The following DLGAP1 variants were observed in gnomAD, a reference collection of about 807,000 sequenced individuals.
The protein encoded by DLGAP1 is DLG associated protein 1.
DLGAP1 carries 11 observed loss-of-function variants against 90.8 expected under a neutral mutation model. The ratio of observed to expected loss-of-function variants is 0.12; its 90% CI spans 0.08 to 0.20. The LOEUF is 0.20. DLGAP1 is among the 10% of genes least tolerant of loss of function. The pLI, the probability that DLGAP1 is intolerant of heterozygous loss-of-function variation, is 1.00. For missense variants in DLGAP1, 1,050 were observed against 1,333.8 expected, an observed-to-expected ratio of 0.79 and a Z score of 3.31; for synonymous variants, 558 against 540.7, an observed-to-expected ratio of 1.03 and a Z score of -0.44.
chr18:4,298,233 G>A (rs78904286), intron 1 of DLGAP1, among the ~76,000 whole-genome samples: 8,984 of 152,108 alleles, frequency 0.059, 744 homozygotes, highest in African/African-American at 0.18. Context: ...CATCCCCCGC[G>A]AATACTGCAT....
At chr18:3,501,165 G>A (rs2049910965) in intron 12 of DLGAP1, among the ~76,000 whole-genome samples, 1 of 149,786 alleles carries the variant, frequency 6.7e-6, no homozygotes, top group Non-Finnish European at 1.5e-5. Flanking sequence ...TGATCCACCC[G>A]CCTCAGCCTC....
intron 2 of DLGAP1, among the ~76,000 whole-genome samples, chr18:4,048,494 G>A (rs1288196989): frequency 6.6e-6 from 1 of 152,194 alleles, no homozygotes; most frequent in African/African-American, 2.4e-5. Flanking sequence ...GACAAGGCCT[G>A]TCACTCACTC....
intron 3 of DLGAP1, among the ~76,000 whole-genome samples, chr18:3,923,671 G>T (rs922257299): frequency 2.6e-5 from 4 of 152,064 alleles, no homozygotes; most frequent in African/African-American, 9.7e-5. Flanking sequence ...AAATTCCAAA[G>T]ATGATTCCTT....
At chr18:4,104,432 C>T (rs1420460136) in intron 2 of DLGAP1, among the ~76,000 whole-genome samples, 1 of 151,946 alleles carries the variant, frequency 6.6e-6, no homozygotes, top group Non-Finnish European at 1.5e-5. Context: ...TAATTATGTC[C>T]CTTTTCTCAC....
At chr18:4,219,027 G>GTTTTTTTTT (rs34333673) in intron 1 of DLGAP1, among the ~76,000 whole-genome samples, 3 of 92,018 alleles carry the variant, frequency 3.3e-5, no homozygotes, top group African/African-American at 4.4e-5. Context: ...TTCTATCTTT[G>GTTTTTTTTT]TTTTTTTTTT....
chr18:3,763,591 A>G (rs2064071776), intron 5 of DLGAP1, among the ~76,000 whole-genome samples: 1 of 151,892 alleles, frequency 6.6e-6, no homozygotes. Flanking sequence ...TCTTCTTTAT[A>G]TCAAATGATG....
At position 3,879,487 on chromosome 18, in the gene DLGAP1, C is replaced by G. The variant is rs1480972380; in HGVS notation, c.582G>C (p.Arg194=). 6.2e-7 allele frequency: 1 copy of G among 1,604,682 alleles called. No individual in the cohort carries two copies. The highest frequency in any genetic ancestry group is 1.1e-5 in the South Asian group (1 of 91,050). ...TCCACCAGCCCGGGGAGGTGCTGGG[C>G]CGGGCCTTGGGCTCCGCGCGCCGCT... ...SKERRAEPKA[R]PSTSPGWWSS... The change falls in exon 4 of 13, where the codon CGG becomes CGC. Residue 194 remains arginine, a synonymous_variant. Transcript: ENST00000315677. The surrounding 1 kb of genome is among the most constrained non-coding windows in gnomAD (Gnocchi z 6.6).
chr18:4,158,205 A>G (rs945797454), intron 1 of DLGAP1, among the ~76,000 whole-genome samples: 4 of 152,186 alleles, frequency 2.6e-5, no homozygotes, highest in Non-Finnish European at 4.4e-5. Flanking sequence ...TGTGCATGCA[A>G]AGCAACTATT....
chr18:3,790,477 C>A (rs1225635457), intron 5 of DLGAP1, among the ~76,000 whole-genome samples: 1 of 151,808 alleles, frequency 6.6e-6, no homozygotes, highest in East Asian at 1.9e-4. Flanking sequence ...CTATGTTGCC[C>A]AGGCTTGTCT....
At chr18:3,907,838 C>T (rs115535829) in intron 3 of DLGAP1, among the ~76,000 whole-genome samples, 85 of 152,246 alleles carry the variant, frequency 5.6e-4, no homozygotes, top group African/African-American at 1.8e-3. Context: ...GCTGTGAGGA[C>T]GTAACCCATT....
At chr18:3,702,738 A>G (rs2061321418) in intron 7 of DLGAP1, among the ~76,000 whole-genome samples, 1 of 152,214 alleles carries the variant, frequency 6.6e-6, no homozygotes. Context: ...GGAAGGAGAC[A>G]GCTGCTGGAT....
At chr18:4,205,190 T>C (rs2144840513) in intron 1 of DLGAP1, among the ~76,000 whole-genome samples, 1 of 152,146 alleles carries the variant, frequency 6.6e-6, no homozygotes, top group East Asian at 1.9e-4. Flanking sequence ...CCTTTCAGGA[T>C]TTGTAGATGT....
rs375454540 is a variant in DLGAP1 at position 4,099,911 on chromosome 18, T to C, written c.-159+51269A>G. ...TTGTGTTTAGAGATGAAATCTTGGG[T>C]CTGGGTATGTTGTCTATGCTGGTCT... is the stretch of plus-strand genomic sequence containing the variant. On this transcript the variant is annotated intron_variant, in intron 2 of 12. Coordinates refer to ENST00000315677, the MANE Select transcript of DLGAP1 (RefSeq NM_004746.4). 2.9e-4 allele frequency among the ~76,000 whole-genome samples: 44 copies of C among 152,066 alleles called. 1 individual carries two copies. In the South Asian group the frequency reaches 9.1e-3, roughly 32 times the overall value.
At chr18:4,318,619 A>G in intron 1 of DLGAP1, among the ~76,000 whole-genome samples, 1 of 152,196 alleles carries the variant, frequency 6.6e-6, no homozygotes, top group East Asian at 1.9e-4. Flanking sequence ...TGAGAAAAAG[A>G]AATCAGGGAT....
At chr18:4,140,034 A>G (rs1262636985) in intron 2 of DLGAP1, among the ~76,000 whole-genome samples, 1 of 151,764 alleles carries the variant, frequency 6.6e-6, no homozygotes, top group Non-Finnish European at 1.5e-5. Flanking sequence ...GCAACAGATA[A>G]TGGGTCTTGT....
rs1268136656 is a variant in DLGAP1 at position 3,600,707 on chromosome 18, G to GATAT, written c.1592-18460_1592-18459insATAT. On this transcript the variant is annotated intron_variant, in intron 7 of 12. Coordinates refer to ENST00000315677, the MANE Select transcript of DLGAP1 (RefSeq NM_004746.4). The stretch of plus-strand genomic sequence containing the variant: ...ATAGAGATCTATATAGATATCTATA[G>GATAT]CTATATAGATATAGAGATATAGATA... Among the ~76,000 whole-genome samples the GATAT allele has an allele frequency of 3.1e-4, 32 of 101,996 alleles. 1 individual carries two copies. Among genetic ancestry groups the GATAT allele is most frequent in the Admixed American group, 5.6e-4 (5 of 8,890 alleles). 66.9% of individuals were successfully genotyped at this position (101,996 alleles called of 152,430 possible). A position where few individuals can be genotyped will look rare whatever the true frequency, so the allele number is the denominator to read the frequency against.
At chr18:4,244,442 C>T (rs1269547824) in intron 1 of DLGAP1, among the ~76,000 whole-genome samples, 6 of 152,080 alleles carry the variant, frequency 3.9e-5, no homozygotes, top group Non-Finnish European at 8.8e-5. Context: ...AAAAAACTAC[C>T]TAATTTACAC....
chr18:4,286,927 A>G (rs549943337), intron 1 of DLGAP1, among the ~76,000 whole-genome samples: 1 of 152,084 alleles, frequency 6.6e-6, no homozygotes, highest in African/African-American at 2.4e-5. Context: ...AACCACATGG[A>G]TATTTGGGAA....
rs535968050 is a variant in DLGAP1, at chr18:3,838,089, A to G, written c.958-23816T>C. 8.7e-4 allele frequency among the ~76,000 whole-genome samples: 133 copies of G among 152,294 alleles called. No homozygotes were observed. In the South Asian group the frequency reaches 9.7e-3, roughly 11 times the overall value. ...AATAGAAGGCAGAGACAATTTTAGA[A>G]TAATAGTCAACTGTCTGTGGAAAAA... On this transcript the variant is annotated intron_variant, in intron 4 of 12. Transcript: ENST00000315677.
Sources: allele counts gnomAD v4.1 joint callset (sites outside exome capture counted in the v4.1 genomes callset), GRCh38; gene constraint gnomAD v4.1.1; non-coding constraint Gnocchi (gnomAD v3.1); transcripts MANE v1.5; gene names NCBI Gene and HGNC (gene_info 2026-07-23, HGNC 2026-07-21).